Variants in BNIP2 observed in about 807,000 individuals in gnomAD.
The protein encoded by BNIP2 is BCL2 interacting protein 2, also known as BCL2/adenovirus E1B 19 kDa protein-interacting protein 2.
A neutral mutation model predicts 43.4 loss-of-function variants in BNIP2; 36 were observed. The ratio of observed to expected loss-of-function variants is 0.83; its 90% CI spans 0.64 to 1.10. The LOEUF is 1.10. BNIP2 is among the 50% of genes least tolerant of loss of function. The pLI, the probability that BNIP2 is intolerant of heterozygous loss-of-function variation, is 0.00. For missense variants in BNIP2, 417 were observed against 374.1 expected (o/e 1.11, Z -0.95); for synonymous variants, 146 against 121.0 (o/e 1.21, Z -1.35).
At chr15:59,670,574 AAATTGC>A (rs1438745177) in intron 7 of BNIP2, among the ~76,000 whole-genome samples, 2 of 152,254 alleles carry the variant, frequency 1.3e-5, no homozygotes, top group African/African-American at 4.8e-5. Context: ...AATGTGGAGA[AAATTGC>A]ATCTTATAAA....
intron 5 of BNIP2, chr15:59,676,708 C>A: frequency 2.4e-6 from 2 of 824,844 alleles, no homozygotes; most frequent in South Asian, 1.7e-5. Context: ...GGCAGGCGAG[C>A]GCAGTGGAGT....
At position 59,679,669 on chromosome 15, in the gene BNIP2, T is replaced by A. The variant is rs771812719; in HGVS notation, c.218A>T (p.Asp73Val). 1 of 1,613,112 alleles carries A rather than the reference T, an allele frequency of 6.2e-7. No individual in the cohort carries two copies. Among genetic ancestry groups the A allele is most frequent in the Non-Finnish European group, 8.5e-7 (1 of 1,179,530 alleles). The change falls in exon 4 of 10, where the codon GAT (aspartate) becomes GTT (valine). Residue 73 changes from aspartate (D) to valine (V), a missense_variant. Coordinates refer to ENST00000607373, the MANE Select transcript of BNIP2 (RefSeq NM_004330.4). Reference sequence around the variant, plus strand: ...GTCAATCTCCCCACTTTCATCCAAATCATCTGACAATACAGAGCCATCACT... The same window carrying A: ...GTCAATCTCCCCACTTTCATCCAAAACATCTGACAATACAGAGCCATCACT... ...DPSDGSVLSD[D>V]LDESGEIDLD...
intron 5 of BNIP2, 129 bp from the exon 6 acceptor site, chr15:59,672,868 T>C (rs1893022704): frequency 1.6e-6 from 1 of 623,240 alleles, no homozygotes; most frequent in Non-Finnish European, 2.7e-6. Context: ...TAAATGTATG[T>C]TTTGTAAATC....
intron 5 of BNIP2, among the ~76,000 whole-genome samples, chr15:59,677,485 C>G (rs1466109949): frequency 6.6e-6 from 1 of 152,140 alleles, no homozygotes; most frequent in African/African-American, 2.4e-5. Flanking sequence ...AAATCTAACT[C>G]AGTATATTTC....
intron 9 of BNIP2, among the ~76,000 whole-genome samples, chr15:59,666,992 T>C (rs193125953): frequency 3.9e-4 from 60 of 152,360 alleles, no homozygotes; most frequent in Admixed American, 3.4e-3. Flanking sequence ...CAATTCACTG[T>C]GAAATCTATG....
intron 1 of BNIP2, among the ~76,000 whole-genome samples, chr15:59,687,247 T>A (rs728038): frequency 0.38 from 58,270 of 151,952 alleles, 11,697 homozygotes; most frequent in East Asian, 0.54. Flanking sequence ...TTAGTTGCAA[T>A]ATAAAACTAT....
Position 59,671,314 on chromosome 15 carries a change from T to C in BNIP2, c.576A>G (p.Lys192=). ...ATAGCTCCAAAGTGCCAATAACATA[T>C]CTGTAAAAAACAAATTAAGTTTAAG... ...NYRYLMDNLF[K]YVIGTLELLV... Residue 192 remains lysine (K), a splice_region_variant and synonymous_variant, in exon 7 of 10, where the codon AAA becomes AAG. Transcript: ENST00000607373. The C allele has an allele frequency of 1.3e-6, 2 of 1,583,058 alleles. No individual in the cohort carries two copies. The highest frequency in any genetic ancestry group is 1.7e-6 in the Non-Finnish European group (2 of 1,163,202).
At position 59,680,248 on chromosome 15, in the gene BNIP2, G is replaced by C; in HGVS notation, c.111C>G (p.Asp37Glu). 1 of 1,592,626 alleles carries C rather than the reference G, an allele frequency of 6.3e-7. No homozygotes were observed. The highest frequency in any genetic ancestry group is 1.1e-5 in the South Asian group (1 of 87,584). ...TAAGTGTCAAGCTCTTACCAGGCTG[G>C]TCCTCTGGTCCAGTTATAGCTAGTA... ...ADILAITGPE[D>E]QPGSLEVNGN... The change falls in exon 3 of 10, where the codon GAC becomes GAG. Residue 37 changes from aspartate (D) to glutamate (E), a missense_variant. Coordinates refer to ENST00000607373, the MANE Select transcript of BNIP2 (RefSeq NM_004330.4).
chr15:59,679,605 C>G lies in BNIP2; in HGVS notation c.282G>C (p.Glu94Asp), dbSNP rs1206271578. The change falls in exon 4 of 10, where the codon GAG becomes GAC. Residue 94 changes from glutamate (E) to aspartate (D), a missense_variant. By Grantham distance (45) the Glu-to-Asp change is conservative. Coordinates refer to ENST00000607373, the MANE Select transcript of BNIP2 (RefSeq NM_004330.4). The part of the protein sequence containing the change: ...GLDTPSENSN[E>D]FEWEDDLPKP... ...TGAAACATTTACCTTCCCACTCAAACTCATTACTATTCTCTGACGGTGTGT... is the reference window on the plus strand; with the variant it reads ...TGAAACATTTACCTTCCCACTCAAAGTCATTACTATTCTCTGACGGTGTGT... The G allele has an allele frequency of 6.2e-7, 1 of 1,612,514 alleles. No homozygotes were observed. Among genetic ancestry groups the G allele is most frequent in the Non-Finnish European group, 8.5e-7 (1 of 1,179,262 alleles).
intron 2 of BNIP2, among the ~76,000 whole-genome samples, chr15:59,681,512 G>A (rs536302320): frequency 1.3e-4 from 19 of 150,002 alleles, no homozygotes; most frequent in African/African-American, 3.7e-4. Context: ...GCAGCAGCGC[G>A]ACCTTGGCTC....
At chr15:59,682,572 A>C in intron 1 of BNIP2, 58 bp from the exon 2 acceptor site, 9 of 1,358,216 alleles carry the variant, frequency 6.6e-6, no homozygotes, top group Non-Finnish European at 9.2e-6. Context: ...TCCACTGAAA[A>C]GGCGTAATAA....
chr15:59,686,347 C>A (rs991724720), intron 1 of BNIP2, among the ~76,000 whole-genome samples: 1 of 152,182 alleles, frequency 6.6e-6, no homozygotes, highest in Non-Finnish European at 1.5e-5. Flanking sequence ...CCCAGAAGTT[C>A]AAGCCTAGCT....
Position 59,669,332 on chromosome 15 carries a change from A to G in BNIP2, c.738T>C (p.Ile246=), listed in dbSNP as rs760461704. 1 of 1,544,444 alleles carries G rather than the reference A, an allele frequency of 6.5e-7. No homozygotes were observed. Among genetic ancestry groups the G allele is most frequent in the Admixed American group, 2.1e-5 (1 of 46,992 alleles). The change falls in exon 8 of 10, where the codon ATT becomes ATC. Residue 246 remains isoleucine, a synonymous_variant. Transcript: ENST00000607373. ...TTCTGATAAACCAAGAAGGATGTACAATGATTAGGGATTTTAGATTTTTCC... is the reference window on the plus strand; with the variant it reads ...TTCTGATAAACCAAGAAGGATGTACGATGATTAGGGATTTTAGATTTTTCC... ...RLRKNLKSLI[I]VHPSWFIRTL...
chr15:59,670,924 T>C (rs1892859374), intron 7 of BNIP2, among the ~76,000 whole-genome samples: 1 of 151,782 alleles, frequency 6.6e-6, no homozygotes, highest in African/African-American at 2.4e-5. Context: ...AAATACAACA[T>C]TAGCTGGGCG....
chr15:59,664,058 A>C lies in BNIP2; in HGVS notation c.*11T>G. The C allele has an allele frequency of 6.5e-7, 1 of 1,542,148 alleles. No homozygotes were observed. Among genetic ancestry groups the C allele is most frequent in the Non-Finnish European group, 8.8e-7 (1 of 1,140,234 alleles). On this transcript the variant is annotated 3_prime_UTR_variant, in exon 10 of 10. Transcript: ENST00000607373. ...CACATTCTTCAGTCTTGTTTGGACT[A>C]GATGCCAAACTTACTGTTCATTTTT...
intron 5 of BNIP2, chr15:59,676,708 C>T (rs1256218310): frequency 3.5e-5 from 29 of 824,726 alleles, no homozygotes; most frequent in East Asian, 8.0e-5. Context: ...GGCAGGCGAG[C>T]GCAGTGGAGT....
At chr15:59,667,535 A>C (rs1460361734) in intron 9 of BNIP2, among the ~76,000 whole-genome samples, 1 of 152,222 alleles carries the variant, frequency 6.6e-6, no homozygotes, top group Non-Finnish European at 1.5e-5. Flanking sequence ...TAAAATAGAA[A>C]GTGAAGTGTT....
intron 5 of BNIP2, among the ~76,000 whole-genome samples, chr15:59,673,854 G>A (rs1023778906): frequency 1.3e-5 from 2 of 152,122 alleles, no homozygotes; most frequent in Non-Finnish European, 2.9e-5. Flanking sequence ...TCGGGAGGCT[G>A]AGGTGGGCAG....
In BNIP2 at chr15:59,682,471, T is replaced by A; in HGVS notation, c.-14A>T. On this transcript the variant is annotated 5_prime_UTR_variant, in exon 2 of 10. Transcript: ENST00000607373. ...CACACCTTCCATCCTCAGCCTGGAT[T>A]CAATGTCAACTACAAACTCTTGATA... is the stretch of plus-strand genomic sequence containing the variant. 1 of 1,613,826 alleles carries A rather than the reference T, an allele frequency of 6.2e-7. No individual in the cohort carries two copies. The highest frequency in any genetic ancestry group is 8.5e-7 in the Non-Finnish European group (1 of 1,179,834).
Sources: allele counts gnomAD v4.1 joint callset (sites outside exome capture counted in the v4.1 genomes callset), GRCh38; gene constraint gnomAD v4.1.1; transcripts MANE v1.5; gene names NCBI Gene and HGNC (gene_info 2026-07-23, HGNC 2026-07-21).